ADGRF1: variants seen among roughly 807,000 people sequenced by gnomAD.
ADGRF1 encodes the protein G protein-coupled receptor 110.
ADGRF1 carries 85 observed loss-of-function variants against 87.2 expected under a neutral mutation model. The ratio of observed to expected loss-of-function variants is 0.97; its 90% CI spans 0.82 to 1.17. The LOEUF is 1.17. Among genes scored for constraint, ADGRF1 ranks in the 50% most tolerant of loss-of-function variants. ADGRF1 has a pLI of 0.00. For missense variants in ADGRF1, 1,169 were observed against 1,077.2 expected (o/e 1.09, Z -1.19); for synonymous variants, 430 against 408.8 (o/e 1.05, Z -0.63).
At chr6:47,019,519 G>C (rs982662313) in intron 7 of ADGRF1, 1 of 349,024 alleles carries the variant, frequency 2.9e-6, no homozygotes, top group African/African-American at 2.2e-5. Flanking sequence ...CCATCTCTAC[G>C]AAAAATACAA....
chr6:47,035,858 A>C (rs1481740411), intron 1 of ADGRF1, among the ~76,000 whole-genome samples: 1 of 152,232 alleles, frequency 6.6e-6, no homozygotes, highest in African/African-American at 2.4e-5. Context: ...CACTGGGTAC[A>C]CATGAACGTA....
At position 47,020,972 on chromosome 6, in the gene ADGRF1, A is replaced by G. The variant is rs1780029373; in HGVS notation, c.553-183T>C. 2.0e-5 allele frequency among the ~76,000 whole-genome samples: 3 copies of G among 152,364 alleles called. 1 individual carries two copies. Among genetic ancestry groups the G allele is most frequent in the Admixed American group, 6.5e-5 (1 of 15,302 alleles). ...GTTAAAATAACAGTTGTGAATGTAT[A>G]CATACACACACACATATCCATACAT... On this transcript the variant is annotated intron_variant, in intron 6 of 14. Transcript: ENST00000371253.
chr6:47,028,530 T>C (rs1425373170), intron 2 of ADGRF1, among the ~76,000 whole-genome samples: 1 of 152,126 alleles, frequency 6.6e-6, no homozygotes, highest in Non-Finnish European at 1.5e-5. Flanking sequence ...GTAATGGATA[T>C]GTGAGTGTGG....
chr6:47,019,940 C>T, intron 7 of ADGRF1: 1 of 985,682 alleles, frequency 1.0e-6, no homozygotes, highest in Non-Finnish European at 1.2e-6. Context: ...GGGTTTTGAA[C>T]TATGATGTAT....
intron 6 of ADGRF1, among the ~76,000 whole-genome samples, chr6:47,021,084 C>T (rs113851159): frequency 2.0e-5 from 3 of 152,096 alleles, no homozygotes; most frequent in Admixed American, 2.0e-4. Flanking sequence ...GATGCCAGAT[C>T]GTAGAATAAA....
chr6:47,040,982 C>T (rs1222243776), intron 1 of ADGRF1, among the ~76,000 whole-genome samples: 2 of 152,150 alleles, frequency 1.3e-5, no homozygotes, highest in Non-Finnish European at 2.9e-5. Context: ...AGGCATCCAA[C>T]AATAATTCAC....
chr6:47,003,159 G>A (rs1360578965), intron 13 of ADGRF1, among the ~76,000 whole-genome samples: 1 of 151,900 alleles, frequency 6.6e-6, no homozygotes, highest in Non-Finnish European at 1.5e-5. Context: ...GGAAGTGGGG[G>A]TCAGACATGC....
intron 1 of ADGRF1, among the ~76,000 whole-genome samples, chr6:47,039,046 C>T (rs1465126127): frequency 6.6e-6 from 1 of 152,114 alleles, no homozygotes; most frequent in East Asian, 1.9e-4. Flanking sequence ...GACAGGCTGT[C>T]CCAACTTCAC....
At chr6:47,036,174 G>A (rs1028844673) in intron 1 of ADGRF1, among the ~76,000 whole-genome samples, 1 of 152,124 alleles carries the variant, frequency 6.6e-6, no homozygotes, top group Admixed American at 6.5e-5. Flanking sequence ...AGGTTGCAGT[G>A]AGCCAAGATC....
rs150858702 is a variant in ADGRF1, at chr6:47,005,060, T to C, written c.2592+757A>G. Among the ~76,000 whole-genome samples the C allele has an allele frequency of 1.2e-4, 19 of 152,352 alleles. No homozygotes were observed. In the East Asian group the frequency reaches 3.5e-3, roughly 28 times the overall value. Reference sequence around the variant, plus strand: ...CTCTCAATACCCATATAGGTTTGGATGCAGTTAAGTCAGTTGACTTTTATA... The same window carrying C: ...CTCTCAATACCCATATAGGTTTGGACGCAGTTAAGTCAGTTGACTTTTATA... On this transcript the variant is annotated intron_variant, in intron 13 of 14. Transcript: ENST00000371253.
intron 9 of ADGRF1, 152 bp from the exon 10 acceptor site, chr6:47,012,347 C>T: frequency 7.4e-7 from 1 of 1,344,038 alleles, no homozygotes; most frequent in Non-Finnish European, 9.7e-7. Context: ...GGCTGTTATT[C>T]AGTGATTTCT....
chr6:47,025,657 C>G (rs1243474177), intron 4 of ADGRF1, among the ~76,000 whole-genome samples, 197 bp downstream of exon 4: 1 of 152,176 alleles, frequency 6.6e-6, no homozygotes, highest in Non-Finnish European at 1.5e-5. Context: ...TCTGATACAT[C>G]ACTGGGTACT....
chr6:47,034,072 G>A (rs1354859890), intron 1 of ADGRF1, among the ~76,000 whole-genome samples: 3 of 152,172 alleles, frequency 2.0e-5, no homozygotes, highest in Non-Finnish European at 4.4e-5. Context: ...AAACACAGCA[G>A]GAAGAGGTCT....
At chr6:47,037,804 C>T (rs1443064547) in intron 1 of ADGRF1, among the ~76,000 whole-genome samples, 1 of 152,192 alleles carries the variant, frequency 6.6e-6, no homozygotes, top group Non-Finnish European at 1.5e-5. Context: ...TGAGCCACGA[C>T]ACTCAGCCCC....
chr6:47,040,677 A>G (rs1780715616), intron 1 of ADGRF1, among the ~76,000 whole-genome samples: 1 of 152,156 alleles, frequency 6.6e-6, no homozygotes. Flanking sequence ...ACCACTGCTA[A>G]TGCCCTCAGA....
At chr6:47,013,632 T>G in intron 9 of ADGRF1, 1 of 985,428 alleles carries the variant, frequency 1.0e-6, no homozygotes, top group Non-Finnish European at 1.2e-6. Context: ...TGAACCTTCC[T>G]AAGAGAGCAT....
At chr6:47,018,869 A>G in intron 7 of ADGRF1, 1 of 238,790 alleles carries the variant, frequency 4.2e-6, no homozygotes, top group South Asian at 5.1e-5. Context: ...CAAGGTAGGA[A>G]GATCACTAGA....
chr6:47,012,069 G>T lies in ADGRF1; in HGVS notation c.1054C>A (p.Leu352Met). 5.0e-6 allele frequency: 8 copies of T among 1,614,074 alleles called. No homozygotes were observed. The highest frequency in any genetic ancestry group is 6.8e-6 in the Non-Finnish European group (8 of 1,179,978). ...AGTGACAGAGATGAAATATTGCTCA[G>T]AATCGACACCACCGAAGCCAGATTC... ...VGNLASVVSILSNISSLSLAS... is the reference protein window; with the variant it reads ...VGNLASVVSIMSNISSLSLAS... Residue 352 changes from leucine (L) to methionine (M), a missense_variant, in exon 10 of 15, where the codon CTG becomes ATG. By Grantham distance (15) the Leu-to-Met change is conservative. Transcript: ENST00000371253.
chr6:47,001,653 A>G (rs1349678506), intron 13 of ADGRF1, 86 bp from the exon 14 acceptor site: 1 of 1,006,312 alleles, frequency 9.9e-7, no homozygotes, highest in Non-Finnish European at 1.5e-6. Context: ...GATGTTATTC[A>G]TGATTCTTTA....
Sources: gnomAD v4.1 joint callset for allele counts (sites outside exome capture counted in the v4.1 genomes callset) on GRCh38, gnomAD v4.1.1 for gene constraint, MANE v1.5 for transcripts, NCBI Gene and HGNC (gene_info 2026-07-23, HGNC 2026-07-21) for gene names.